LYPLAL1: variants seen among roughly 807,000 people sequenced by gnomAD.
The protein encoded by LYPLAL1 is lysophospholipase like 1.
Under a neutral mutation model 19.7 loss-of-function variants are expected in LYPLAL1, and 23 were observed. The observed-to-expected ratio is 1.17, with a 90% CI of 0.84 to 1.65. The LOEUF is 1.65. LYPLAL1 is among the 40% of genes most tolerant of loss of function. LYPLAL1 has a pLI of 0.00. For synonymous variants in LYPLAL1, 119 were observed against 96.3 expected (o/e 1.24, Z -1.38); for missense variants, 355 against 279.4 (o/e 1.27, Z -1.93).
the LYPLAL1 span, among the ~76,000 whole-genome samples, chr1:219,340,342 A>T: frequency 6.6e-6 from 1 of 152,012 alleles, no homozygotes; most frequent in East Asian, 1.9e-4. Flanking sequence ...ATTTAACCCC[A>T]GGCTCAAACC....
chr1:219,237,510 A>T, the LYPLAL1 span, among the ~76,000 whole-genome samples: 9 of 152,208 alleles, frequency 5.9e-5, no homozygotes, highest in Non-Finnish European at 1.2e-4. Flanking sequence ...ATTACAACAT[A>T]TGACACCATC....
chr1:219,381,150 G>T, the LYPLAL1 span, among the ~76,000 whole-genome samples: 2 of 152,134 alleles, frequency 1.3e-5, 1 homozygote, highest in South Asian at 4.1e-4. Flanking sequence ...GAATCATGGG[G>T]TGGGTTTTCG....
At chr1:219,206,773 A>G (rs1383166732) in intron 3 of LYPLAL1, among the ~76,000 whole-genome samples, 1 of 151,460 alleles carries the variant, frequency 6.6e-6, no homozygotes, top group East Asian at 1.9e-4. Context: ...AACTACATAA[A>G]GTGATTACAT....
chr1:219,384,385 A>G, the LYPLAL1 span, among the ~76,000 whole-genome samples: 2 of 152,354 alleles, frequency 1.3e-5, no homozygotes, highest in East Asian at 1.9e-4. Context: ...GCTCTTCTCC[A>G]TCATGTCCCT....
the LYPLAL1 span, among the ~76,000 whole-genome samples, chr1:219,313,951 T>C: frequency 3.3e-5 from 5 of 152,326 alleles, no homozygotes; most frequent in Admixed American, 3.3e-4. Context: ...ACCTGATAGA[T>C]AGTTCTTTTT....
the LYPLAL1 span, among the ~76,000 whole-genome samples, chr1:219,347,780 T>G: frequency 6.6e-6 from 1 of 152,050 alleles, no homozygotes; most frequent in African/African-American, 2.4e-5. Context: ...CTTCTTTCAC[T>G]GGATGAGACA....
chr1:219,373,759 C>G, the LYPLAL1 span, among the ~76,000 whole-genome samples: 1 of 150,256 alleles, frequency 6.7e-6, no homozygotes, highest in Non-Finnish European at 1.5e-5. Context: ...ATGGAAGAGA[C>G]TTTTTACATT....
At chr1:219,403,974 C>T in the LYPLAL1 span, among the ~76,000 whole-genome samples, 1 of 152,072 alleles carries the variant, frequency 6.6e-6, no homozygotes, top group African/African-American at 2.4e-5. Context: ...AGTTCAAGAT[C>T]AAGGTGCTGA....
the LYPLAL1 span, among the ~76,000 whole-genome samples, chr1:219,388,741 T>C: frequency 3.9e-5 from 6 of 152,202 alleles, no homozygotes; most frequent in African/African-American, 9.7e-5. Flanking sequence ...CAAAATGTCA[T>C]TGGCTTCCCT....
chr1:219,221,104 A>G, the LYPLAL1 span, among the ~76,000 whole-genome samples: 1 of 152,192 alleles, frequency 6.6e-6, no homozygotes, highest in Non-Finnish European at 1.5e-5. Flanking sequence ...TTGCCTACGC[A>G]TCAAGAGTAT....
chr1:219,309,829 A>T, the LYPLAL1 span, among the ~76,000 whole-genome samples: 9 of 152,204 alleles, frequency 5.9e-5, no homozygotes, highest in East Asian at 1.7e-3. Context: ...ATTCATCTCA[A>T]GACACAGGAC....
At chr1:219,297,072 A>T in the LYPLAL1 span, among the ~76,000 whole-genome samples, 3 of 152,172 alleles carry the variant, frequency 2.0e-5, no homozygotes, top group Non-Finnish European at 4.4e-5. Context: ...CTCAGAGAGA[A>T]ATTCTTTATA....
chr1:219,322,040 A>G, the LYPLAL1 span, among the ~76,000 whole-genome samples: 1 of 152,158 alleles, frequency 6.6e-6, no homozygotes, highest in Non-Finnish European at 1.5e-5. Context: ...ATTTAGTTTT[A>G]TTTTATGGAA....
the LYPLAL1 span, among the ~76,000 whole-genome samples, chr1:219,234,665 A>G: frequency 6.6e-6 from 1 of 152,190 alleles, no homozygotes; most frequent in Non-Finnish European, 1.5e-5. Context: ...TTTTCTATCT[A>G]GTGCTGTAAA....
intron 1 of LYPLAL1, 30 bp downstream of exon 1, chr1:219,174,011 T>C (rs944024696): frequency 1.2e-6 from 2 of 1,613,712 alleles, no homozygotes; most frequent in Non-Finnish European, 1.7e-6. Context: ...CCTGGTTTTC[T>C]ACAGCTCGGG....
At chr1:219,328,458 C>T in the LYPLAL1 span, among the ~76,000 whole-genome samples, 1 of 152,168 alleles carries the variant, frequency 6.6e-6, no homozygotes, top group Non-Finnish European at 1.5e-5. Flanking sequence ...TTGTGCCCAC[C>T]ATTATCCTAC....
the LYPLAL1 span, among the ~76,000 whole-genome samples, chr1:219,257,648 C>A: frequency 7.9e-5 from 12 of 151,764 alleles, no homozygotes; most frequent in African/African-American, 2.7e-4. Flanking sequence ...CTTCTGAGGC[C>A]AATAAAGATT....
At chr1:219,201,996 A>G (rs1015718331) in intron 3 of LYPLAL1, among the ~76,000 whole-genome samples, 1 of 152,180 alleles carries the variant, frequency 6.6e-6, no homozygotes, top group Non-Finnish European at 1.5e-5. Context: ...TGTTTACCTT[A>G]GTGATCTAGC....
the LYPLAL1 span, among the ~76,000 whole-genome samples, chr1:219,231,121 G>A: frequency 6.6e-6 from 1 of 152,124 alleles, no homozygotes; most frequent in Non-Finnish European, 1.5e-5. Context: ...CTTCTTGCTG[G>A]TATATTGAAA....
Sources: allele counts gnomAD v4.1 joint callset (sites outside exome capture counted in the v4.1 genomes callset), GRCh38; gene constraint gnomAD v4.1.1; transcripts MANE v1.5; gene names NCBI Gene and HGNC (gene_info 2026-07-23, HGNC 2026-07-21).